The following YPEL1 variants were observed in gnomAD, a reference collection of about 807,000 sequenced individuals.
The protein encoded by YPEL1 is protein yippee-like 1.
In YPEL1, 7 loss-of-function variants were observed where a neutral mutation model predicts 17.3. The ratio of observed to expected loss-of-function variants is 0.40; its 90% CI spans 0.23 to 0.76. YPEL1 has a LOEUF of 0.76. Ranked by LOEUF, YPEL1 falls within the 30% of genes least tolerant of loss-of-function variation. The pLI, the probability that YPEL1 is intolerant of heterozygous loss-of-function variation, is 0.35. For missense variants in YPEL1, 91 were observed against 155.5 expected, an observed-to-expected ratio of 0.59 and a Z score of 2.21; for synonymous variants, 59 against 59.6, an observed-to-expected ratio of 0.99 and a Z score of 0.05.
intron 1 of YPEL1, among the ~76,000 whole-genome samples, chr22:21,716,860 G>T (rs1022325521): frequency 7.9e-5 from 12 of 152,168 alleles, no homozygotes; most frequent in African/African-American, 2.9e-4. Context: ...AGACCATGAG[G>T]CTCCTCCACT....
chr22:21,729,194 C>T (rs1222977210), intron 1 of YPEL1, among the ~76,000 whole-genome samples: 1 of 151,832 alleles, frequency 6.6e-6, no homozygotes, highest in East Asian at 1.9e-4. Flanking sequence ...GACTGTGGTG[C>T]CAGCTACTTG....
chr22:21,720,177 C>CAA (rs1292044683), intron 1 of YPEL1, among the ~76,000 whole-genome samples: 32,488 of 80,980 alleles, frequency 0.4, 6,269 homozygotes, highest in Non-Finnish European at 0.47. Context: ...GACTCTGTAT[C>CAA]AAAAAAAAAA....
At position 21,698,242 on chromosome 22, in the gene YPEL1, G is replaced by GTGTT. The variant is rs1555902239; in HGVS notation, c.*2883_*2886dup. 1 of 133,536 alleles carries GTGTT rather than the reference G, an allele frequency of 7.5e-6. No homozygotes were observed. Among genetic ancestry groups the GTGTT allele is most frequent in the Non-Finnish European group, 1.6e-5 (1 of 61,184 alleles). The allele number at this position is 133,536 out of a possible 1,614,324, so 8.3% of individuals were successfully genotyped here. On this transcript the variant is annotated 3_prime_UTR_variant, in exon 5 of 5. Transcript: ENST00000339468. The stretch of plus-strand genomic sequence containing the variant: ...GCCCAACAAAAAAAAAGTGATAAAA[G>GTGTT]TGTTGTTGGTATAAATTACAAAAAA...
intron 1 of YPEL1, among the ~76,000 whole-genome samples, chr22:21,717,188 C>T (rs190791056): frequency 1.8e-4 from 27 of 152,046 alleles, no homozygotes; most frequent in Non-Finnish European, 2.4e-4. Context: ...CCAGCCTGGC[C>T]AACACGGTGA....
chr22:21,708,712 G>A (rs893407665), intron 2 of YPEL1, among the ~76,000 whole-genome samples: 2 of 144,596 alleles, frequency 1.4e-5, no homozygotes, highest in Non-Finnish European at 3.0e-5. Flanking sequence ...TGTTGCCCAG[G>A]CTGGAGTGCA....
rs2068035831 is a variant in YPEL1 at position 21,698,996 on chromosome 22, C to T, written c.*2133G>A. 6.6e-6 allele frequency: 1 copy of T among 152,450 alleles called. No individual in the cohort carries two copies. The highest frequency in any genetic ancestry group is 1.5e-5 in the Non-Finnish European group (1 of 68,072). 9.4% of individuals were successfully genotyped at this position (152,450 alleles called of 1,614,324 possible). A position where few individuals can be genotyped will look rare whatever the true frequency, so the allele number is the denominator to read the frequency against. The stretch of plus-strand genomic sequence containing the variant: ...TAAAGGAACTTCTGCCTCTGTCACT[C>T]CTGCTGAGTGGATGCATCTCAGTGC... On this transcript the variant is annotated 3_prime_UTR_variant, in exon 5 of 5. Transcript: ENST00000339468.
intron 1 of YPEL1, among the ~76,000 whole-genome samples, chr22:21,715,720 T>C (rs2068215485): frequency 8.8e-6 from 1 of 113,500 alleles, no homozygotes; most frequent in Non-Finnish European, 2.2e-5. Flanking sequence ...TAGCTGGGAC[T>C]ACTGGCACGT....
Position 21,705,044 on chromosome 22 carries a change from C to T in YPEL1, c.118-1162G>A, listed in dbSNP as rs373553306. 2.1e-4 allele frequency among the ~76,000 whole-genome samples: 32 copies of T among 152,314 alleles called. 1 individual carries two copies. The South Asian group carries it at 5.8e-3, about 28-fold the overall frequency. On this transcript the variant is annotated intron_variant, in intron 2 of 4. Coordinates refer to ENST00000339468, the MANE Select transcript of YPEL1 (RefSeq NM_013313.5). ...GCAGTGGCACCATCTGGACTCACTGCAGCCTCTGCCTCCAGGGTTCAAGCA... is the reference window on the plus strand; with the variant it reads ...GCAGTGGCACCATCTGGACTCACTGTAGCCTCTGCCTCCAGGGTTCAAGCA...
intron 1 of YPEL1, among the ~76,000 whole-genome samples, chr22:21,723,490 C>G (rs1490103174): frequency 6.6e-6 from 1 of 152,180 alleles, no homozygotes; most frequent in Non-Finnish European, 1.5e-5. Flanking sequence ...GCCTCAGCCT[C>G]CAGAGTAGCT....
chr22:21,731,539 G>GAAAAAAAAAAAAAA (rs1180671395), intron 1 of YPEL1, among the ~76,000 whole-genome samples: 1 of 143,404 alleles, frequency 7.0e-6, no homozygotes, highest in African/African-American at 2.6e-5. Flanking sequence ...GAGAAGGGGG[G>GAAAAAAAAAAAAAA]AAAAAAAAAA....
At chr22:21,732,407 T>G (rs1412668847) in intron 1 of YPEL1, among the ~76,000 whole-genome samples, 3 of 152,232 alleles carry the variant, frequency 2.0e-5, no homozygotes, top group East Asian at 3.8e-4. Flanking sequence ...CAGAACAGTT[T>G]GAAAGCAGGG....
intron 1 of YPEL1, among the ~76,000 whole-genome samples, chr22:21,732,364 G>A (rs1456163994): frequency 2.6e-5 from 4 of 152,256 alleles, no homozygotes; most frequent in African/African-American, 4.8e-5. Context: ...AAACATTTAC[G>A]TCAACTTCAT....
chr22:21,714,669 G>A (rs945112028), intron 1 of YPEL1, among the ~76,000 whole-genome samples: 3 of 152,170 alleles, frequency 2.0e-5, no homozygotes, highest in Admixed American at 1.3e-4. Flanking sequence ...GCAGATGCCC[G>A]TGCACACAGC....
At chr22:21,732,575 AG>A (rs2068398566) in intron 1 of YPEL1, among the ~76,000 whole-genome samples, 16 of 152,116 alleles carry the variant, frequency 1.1e-4, no homozygotes, top group Admixed American at 1.0e-3. Context: ...TGAGGTCAGG[AG>A]ATTGAGGCCA....
intron 1 of YPEL1, among the ~76,000 whole-genome samples, chr22:21,711,206 A>T (rs2068162503): frequency 6.6e-6 from 1 of 152,162 alleles, no homozygotes; most frequent in Admixed American, 6.5e-5. Context: ...TGCTGGGATT[A>T]CAAGCACCAC....
chr22:21,710,794 T>G lies in YPEL1; in HGVS notation c.-50A>C, dbSNP rs369692775. 1.3e-6 allele frequency: 2 copies of G among 1,485,236 alleles called. No homozygotes were observed. Among genetic ancestry groups the G allele is most frequent in the South Asian group, 2.3e-5 (2 of 88,460 alleles). 92.0% of individuals were successfully genotyped at this position (1,485,236 alleles called of 1,614,324 possible). A position where few individuals can be genotyped will look rare whatever the true frequency, so the allele number is the denominator to read the frequency against. The stretch of plus-strand genomic sequence containing the variant: ...CTCAGGGCTGGTTCTGGAAGAACCG[T>G]GGCTCTGCTGGCCTCTCTGACAAAA... On this transcript the variant is annotated 5_prime_UTR_variant, in exon 2 of 5. Coordinates refer to ENST00000339468, the MANE Select transcript of YPEL1 (RefSeq NM_013313.5).
At position 21,701,109 on chromosome 22, in the gene YPEL1, G is replaced by A. The variant is rs764822264; in HGVS notation, c.*20C>T. On this transcript the variant is annotated 3_prime_UTR_variant, in exon 5 of 5. Transcript: ENST00000339468. ...TTCTTTCACAAAACAGCATTCAAAG[G>A]AGAAGGGAAAGTTCGCACATTACTC... is the stretch of plus-strand genomic sequence containing the variant. 47 of 1,602,940 alleles carry A rather than the reference G, an allele frequency of 2.9e-5. No individual in the cohort carries two copies. The highest frequency in any genetic ancestry group is 1.5e-4 in the South Asian group (14 of 90,624).
In YPEL1 at chr22:21,721,280, T is replaced by C. The variant is rs951316628; in HGVS notation, c.-164-10372A>G. 2.0e-5 allele frequency among the ~76,000 whole-genome samples: 3 copies of C among 151,224 alleles called. No homozygotes were observed. In the South Asian group the frequency reaches 6.3e-4, roughly 32 times the overall value. ...GGCGTGTGCCACCACGCCCGGCTAATTTTTTTTGTGTGTATTTTTAGTAGA... is the reference window on the plus strand; with the variant it reads ...GGCGTGTGCCACCACGCCCGGCTAACTTTTTTTGTGTGTATTTTTAGTAGA... On this transcript the variant is annotated intron_variant, in intron 1 of 4. Transcript: ENST00000339468.
At chr22:21,707,945 CAG>C (rs2068129135) in intron 2 of YPEL1, among the ~76,000 whole-genome samples, 4 of 152,318 alleles carry the variant, frequency 2.6e-5, no homozygotes, top group African/African-American at 9.6e-5. Context: ...GACCACAGAT[CAG>C]AGTTTGCTAA....
Sources: allele counts gnomAD v4.1 joint callset (sites outside exome capture counted in the v4.1 genomes callset), GRCh38; gene constraint gnomAD v4.1.1; transcripts MANE v1.5; gene names NCBI Gene and HGNC (gene_info 2026-07-23, HGNC 2026-07-21).